The following ZSCAN31 variants were observed in gnomAD, a reference collection of about 807,000 sequenced individuals.
ZSCAN31 encodes the protein zinc finger and SCAN domain containing 31.
ZSCAN31 carries 14 observed loss-of-function variants against 22.5 expected under a neutral mutation model. That is an observed-to-expected ratio of 0.62 (90% CI 0.41 to 0.97). The LOEUF is 0.97. ZSCAN31 is among the 50% of genes least tolerant of loss of function. The probability of loss-of-function intolerance (pLI) is 0.00; values close to 1 mark genes in which losing one functional copy is unlikely to be tolerated. For missense variants in ZSCAN31, 424 were observed against 483.4 expected (o/e 0.88, Z 1.15); for synonymous variants, 168 against 169.8 (o/e 0.99, Z 0.08).
At chr6:28,350,977 G>T (rs1168472845) in intron 2 of ZSCAN31, among the ~76,000 whole-genome samples, 2 of 152,150 alleles carry the variant, frequency 1.3e-5, no homozygotes, top group Non-Finnish European at 2.9e-5. Flanking sequence ...CTGATGTCCT[G>T]CTTAGTGCTG....
At chr6:28,352,880 A>G (rs778876644) in intron 2 of ZSCAN31, among the ~76,000 whole-genome samples, 3 of 152,114 alleles carry the variant, frequency 2.0e-5, no homozygotes, top group Non-Finnish European at 4.4e-5. Flanking sequence ...GGACTGAGGA[A>G]TAGAGGTTCA....
At chr6:28,335,706 C>T (rs531400550) in intron 1 of ZSCAN31, 1 of 152,380 alleles carries the variant, frequency 6.6e-6, no homozygotes, top group African/African-American at 2.4e-5. Flanking sequence ...AGCGCATTCC[C>T]TCTCCTTTCC....
intron 2 of ZSCAN31, among the ~76,000 whole-genome samples, chr6:28,343,140 TG>T (rs1764484191): frequency 6.6e-6 from 1 of 152,284 alleles, no homozygotes; most frequent in South Asian, 2.1e-4. Context: ...CTGCCTGCAT[TG>T]ATCATTTCTC....
intron 1 of ZSCAN31, among the ~76,000 whole-genome samples, chr6:28,330,465 CTG>C (rs1334729845): frequency 6.6e-6 from 1 of 152,158 alleles, no homozygotes; most frequent in East Asian, 1.9e-4. Flanking sequence ...AATTAGGTAA[CTG>C]TGGAATTACA....
At chr6:28,335,544 C>T (rs1238479537) in intron 1 of ZSCAN31, 1 of 152,276 alleles carries the variant, frequency 6.6e-6, no homozygotes, top group African/African-American at 2.4e-5. Flanking sequence ...GAATCATCAC[C>T]TCAGCCCCTG....
chr6:28,339,342 G>A (rs1561920160), upstream of ZSCAN31, among the ~76,000 whole-genome samples: 1 of 152,102 alleles, frequency 6.6e-6, no homozygotes, highest in Non-Finnish European at 1.5e-5. Flanking sequence ...TATTTCCCAG[G>A]ATGGAGTGCA....
chr6:28,350,381 G>C (rs1349448282), intron 2 of ZSCAN31: 1 of 152,194 alleles, frequency 6.6e-6, no homozygotes, highest in Non-Finnish European at 1.5e-5. Context: ...GCACTGCCTG[G>C]TAACAAGGTC....
At position 28,326,587 on chromosome 6, in the gene ZSCAN31, T is replaced by C; in HGVS notation, c.800A>G (p.Tyr267Cys). The C allele has an allele frequency of 6.2e-7, 1 of 1,614,220 alleles. No homozygotes were observed. Among genetic ancestry groups the C allele is most frequent in the Non-Finnish European group, 8.5e-7 (1 of 1,180,038 alleles). Residue 267 changes from tyrosine to cysteine, a missense_variant, in exon 4 of 4, where the codon TAT (tyrosine) becomes TGT (cysteine). Coordinates refer to ENST00000344279, the MANE Select transcript of ZSCAN31 (RefSeq NM_030899.5). The stretch of plus-strand genomic sequence containing the variant: ...GGCCTTCCCACATTCTTCACATTCA[T>C]ATGGCTTCTCCCCAGTGTGGATTCT... ...HQRIHTGEKP[Y>C]ECEECGKAFS...
At chr6:28,344,995 A>G (rs1183156637) in intron 2 of ZSCAN31, among the ~76,000 whole-genome samples, 1 of 151,316 alleles carries the variant, frequency 6.6e-6, no homozygotes, top group East Asian at 1.9e-4. Context: ...AAAAAGAAAA[A>G]ATTAGCCGGC....
At position 28,326,842 on chromosome 6, in the gene ZSCAN31, A is replaced by G. The variant is rs199814583; in HGVS notation, c.545T>C (p.Ile182Thr). ...HQFQEQDGES[I>T]PENQELASKQ... Reference sequence around the variant, plus strand: ...TGATGCCAACTCCTGGTTCTCAGGTATACTTTCACCATCTGGAATAATAAA... The same window carrying G: ...TGATGCCAACTCCTGGTTCTCAGGTGTACTTTCACCATCTGGAATAATAAA... The change falls in exon 4 of 4, where the codon ATA (isoleucine) becomes ACA (threonine). Residue 182 changes from isoleucine (I) to threonine (T), a missense_variant. Coordinates refer to ENST00000344279, the MANE Select transcript of ZSCAN31 (RefSeq NM_030899.5). 3 of 1,609,702 alleles carry G rather than the reference A, an allele frequency of 1.9e-6. No individual in the cohort carries two copies. Among genetic ancestry groups the G allele is most frequent in the South Asian group, 2.2e-5 (2 of 90,996 alleles).
rs757209005 is a variant in ZSCAN31 at position 28,329,336 on chromosome 6, A to C, written c.348T>G (p.Asp116Glu). The change falls in exon 2 of 4, where the codon GAT becomes GAG. Residue 116 changes from aspartate (D) to glutamate (E), a missense_variant. By Grantham distance (45) the Asp-to-Glu change is conservative (BLOSUM62 2). Transcript: ENST00000344279. The stretch of plus-strand genomic sequence containing the variant: ...CTGGCTCACTAAGCTCTTGTTCCAG[A>C]TCTTCAACTACAGCCACAGCCTCCT... ...SGEEAVAVVEDLEQELSEPGN... is the reference protein window; with the variant it reads ...SGEEAVAVVEELEQELSEPGN... 1.2e-6 allele frequency: 2 copies of C among 1,601,760 alleles called. No individual in the cohort carries two copies. The highest frequency in any genetic ancestry group is 2.2e-5 in the South Asian group (2 of 89,674).
At chr6:28,329,233 C>T (rs1043216766) in intron 2 of ZSCAN31, 70 bp downstream of exon 2, 1 of 1,516,762 alleles carries the variant, frequency 6.6e-7, no homozygotes, top group Non-Finnish European at 8.8e-7. Flanking sequence ...TATAGCCAAC[C>T]AACCTGTGTC....
rs1232825413 is a variant in ZSCAN31, at chr6:28,326,759, C to CA, written c.627dup (p.Val210CysfsTer6). The CA allele has an allele frequency of 9.9e-6, 16 of 1,613,692 alleles. No individual in the cohort carries two copies. The highest frequency in any genetic ancestry group is 1.4e-5 in the Non-Finnish European group (16 of 1,179,854). On this transcript the variant is annotated frameshift_variant, in exon 4 of 4. Coordinates refer to ENST00000344279, the MANE Select transcript of ZSCAN31 (RefSeq NM_030899.5). LOFTEE classifies it low-confidence loss of function (END_TRUNC). ...TCTCTGTACTTAGAATCCAAAGATACATCTCTTTGGAGTTTGCTATCCCCC... is the reference window on the plus strand; with the variant it reads ...TCTCTGTACTTAGAATCCAAAGATACAATCTCTTTGGAGTTTGCTATCCCCC...
chr6:28,353,113 C>T (rs1298152332), intron 2 of ZSCAN31, among the ~76,000 whole-genome samples: 1 of 151,998 alleles, frequency 6.6e-6, no homozygotes, highest in Non-Finnish European at 1.5e-5. Flanking sequence ...AGACTATAGG[C>T]GCATGCCATC....
chr6:28,330,601 C>T (rs1191648500), intron 1 of ZSCAN31, among the ~76,000 whole-genome samples: 1 of 152,124 alleles, frequency 6.6e-6, no homozygotes, highest in Non-Finnish European at 1.5e-5. Context: ...TGCAAATATT[C>T]CAAAATCCAG....
rs1008182717 is a variant in ZSCAN31 at position 28,333,687 on chromosome 6, G to A, written c.-96+2395C>T. ...GACTATCCAAAGGCCCTGAGGAAGT[G>A]CATGCTGCCATCAAAGACAGGAAAG... On this transcript the variant is annotated intron_variant, in intron 1 of 3. Transcript: ENST00000344279. This position sits in a 1 kb window ranked among gnomAD's most constrained non-coding sequence, Gnocchi z 4.1. Among the ~76,000 whole-genome samples, 1 of 152,182 alleles carries A rather than the reference G, an allele frequency of 6.6e-6. No homozygotes were observed. Among genetic ancestry groups the A allele is most frequent in the Non-Finnish European group, 1.5e-5 (1 of 68,032 alleles).
upstream of ZSCAN31, among the ~76,000 whole-genome samples, chr6:28,340,511 G>A (rs1764370481): frequency 6.6e-6 from 1 of 152,198 alleles, no homozygotes; most frequent in Non-Finnish European, 1.5e-5. Context: ...ATGTGAAGAA[G>A]AACATGTTGC....
At chr6:28,330,268 T>A (rs1207828940) in intron 1 of ZSCAN31, among the ~76,000 whole-genome samples, 1 of 151,874 alleles carries the variant, frequency 6.6e-6, no homozygotes, top group African/African-American at 2.4e-5. Flanking sequence ...TAGCCTGAGG[T>A]CTGCAGAGCT....
chr6:28,350,847 T>C (rs1764958974), intron 2 of ZSCAN31, among the ~76,000 whole-genome samples: 1 of 152,206 alleles, frequency 6.6e-6, no homozygotes, highest in Non-Finnish European at 1.5e-5. Context: ...GACGTTGTGA[T>C]ACTCAAACTC....
Sources: allele counts gnomAD v4.1 joint callset (sites outside exome capture counted in the v4.1 genomes callset), GRCh38; gene constraint gnomAD v4.1.1; non-coding constraint Gnocchi (gnomAD v3.1); transcripts MANE v1.5; gene names NCBI Gene and HGNC (gene_info 2026-07-23, HGNC 2026-07-21).